The following FER variants were observed in gnomAD, a reference collection of about 807,000 sequenced individuals.
The protein encoded by FER is FER tyrosine kinase.
Under a neutral mutation model 111.0 loss-of-function variants are expected in FER, and 63 were observed. The ratio of observed to expected loss-of-function variants is 0.57; its 90% CI spans 0.46 to 0.70. The LOEUF is 0.70. Ranked by LOEUF, FER falls within the 30% of genes least tolerant of loss-of-function variation. The probability of loss-of-function intolerance (pLI) is 0.00; values close to 1 mark genes in which losing one functional copy is unlikely to be tolerated. For missense variants in FER, 914 were observed against 954.0 expected (o/e 0.96, Z 0.55); for synonymous variants, 327 against 313.9 (o/e 1.04, Z -0.44).
chr5:109,045,009 T>C (rs1037879659), intron 15 of FER, among the ~76,000 whole-genome samples: 1 of 152,108 alleles, frequency 6.6e-6, no homozygotes, highest in East Asian at 1.9e-4. Context: ...TTATTCAAGT[T>C]CTTAAAATGT....
chr5:108,820,599 A>G, intron 3 of FER: 20 of 937,968 alleles, frequency 2.1e-5, no homozygotes, highest in Non-Finnish European at 2.5e-5. Flanking sequence ...TAATACCAGT[A>G]GTAATATCCC....
intron 9 of FER, among the ~76,000 whole-genome samples, chr5:108,886,434 A>G (rs1280578196): frequency 6.7e-6 from 1 of 148,892 alleles, no homozygotes; most frequent in Non-Finnish European, 1.5e-5. Context: ...ATTATATATA[A>G]CATACATAAA....
Position 108,874,784 on chromosome 5 carries a change from A to T in FER, c.923+2572A>T, listed in dbSNP as rs191117497. 6.4e-3 allele frequency among the ~76,000 whole-genome samples: 971 copies of T among 152,252 alleles called. 3 individuals are homozygous for T. Among genetic ancestry groups the T allele is most frequent in the Non-Finnish European group, 9.6e-3 (652 of 67,964 alleles). On this transcript the variant is annotated intron_variant, in intron 8 of 19. Coordinates refer to ENST00000281092, the MANE Select transcript of FER (RefSeq NM_005246.4). ...GGAAAAAGAAATACAAATTACCAAT[A>T]GTACTTGGAAAAGATATTCTTCTTT...
chr5:108,897,742 T>C lies in FER; in HGVS notation c.1130T>C (p.Phe377Ser). The change falls in exon 10 of 20, where the codon TTT (phenylalanine) becomes TCT (serine). Residue 377 changes from phenylalanine to serine, a missense_variant. Physicochemically the swap from Phe to Ser is radical, Grantham distance 155. Around this residue, in one of 3 missense-constraint regions of FER, gnomAD observed 774 missense variants for 782.6 expected, o/e 0.99. Transcript: ENST00000281092. ...VQQLRCTEAK[F>S]SAQKELLEQK... Reference sequence around the variant, plus strand: ...CAGCTGAGATGCACTGAAGCAAAGTTTTCAGCACAGAAGGAATTACTAGAG... The same window carrying C: ...CAGCTGAGATGCACTGAAGCAAAGTCTTCAGCACAGAAGGAATTACTAGAG... The C allele has an allele frequency of 6.2e-7, 1 of 1,613,514 alleles. No homozygotes were observed.
At chr5:108,810,056 A>G (rs1480488363) in intron 3 of FER, among the ~76,000 whole-genome samples, 1 of 151,878 alleles carries the variant, frequency 6.6e-6, no homozygotes, top group African/African-American at 2.4e-5. Context: ...TGCAGGTAGG[A>G]ATTTTTCTTT....
chr5:109,093,401 G>A (rs1747072792), intron 16 of FER, among the ~76,000 whole-genome samples: 1 of 152,084 alleles, frequency 6.6e-6, no homozygotes. Flanking sequence ...GATAGAAGTA[G>A]TTTTATAATT....
chr5:109,103,538 G>C (rs921656564), intron 17 of FER, among the ~76,000 whole-genome samples: 1 of 152,128 alleles, frequency 6.6e-6, no homozygotes, highest in Non-Finnish European at 1.5e-5. Flanking sequence ...TTCCAGAAGA[G>C]TTCTCTTGCT....
intron 1 of FER, among the ~76,000 whole-genome samples, chr5:108,760,158 GTTTT>G (rs36078731): frequency 2.2e-4 from 31 of 141,124 alleles, no homozygotes; most frequent in African/African-American, 7.0e-4. Flanking sequence ...GCAGTCTTCT[GTTTT>G]TTTTTTTTTT....
intron 5 of FER, 150 bp from the exon 6 acceptor site, chr5:108,867,617 C>A: frequency 1.4e-6 from 1 of 738,994 alleles, no homozygotes; most frequent in Non-Finnish European, 2.2e-6. Flanking sequence ...TTGCATAAAG[C>A]TAAGCACATA....
intron 16 of FER, among the ~76,000 whole-genome samples, chr5:109,076,250 A>G (rs1776328678): frequency 6.6e-6 from 1 of 152,196 alleles, no homozygotes; most frequent in African/African-American, 2.4e-5. Flanking sequence ...ACAGTGACAG[A>G]AACTATTATG....
chr5:109,054,697 G>A (rs1251956490), intron 16 of FER, among the ~76,000 whole-genome samples: 1 of 152,042 alleles, frequency 6.6e-6, no homozygotes, highest in Non-Finnish European at 1.5e-5. Context: ...TGTTTCTTAA[G>A]TTTACTTTTA....
chr5:108,995,044 C>A (rs889935196), intron 13 of FER, among the ~76,000 whole-genome samples: 1 of 151,998 alleles, frequency 6.6e-6, no homozygotes, highest in South Asian at 2.1e-4. Flanking sequence ...TGTAGGATCT[C>A]GTCATCTGCA....
intron 9 of FER, among the ~76,000 whole-genome samples, chr5:108,891,813 C>A (rs1300744718): frequency 2.0e-5 from 3 of 152,092 alleles, no homozygotes; most frequent in Non-Finnish European, 4.4e-5. Flanking sequence ...TATCCCTCCC[C>A]CTTCCCCCAC....
chr5:108,765,753 TC>T (rs1752247910), intron 1 of FER, among the ~76,000 whole-genome samples: 1 of 152,208 alleles, frequency 6.6e-6, no homozygotes, highest in Non-Finnish European at 1.5e-5. Context: ...TAAACATTTT[TC>T]ATATTAATTG....
At chr5:108,913,480 A>G (rs1448729362) in intron 10 of FER, among the ~76,000 whole-genome samples, 2 of 152,228 alleles carry the variant, frequency 1.3e-5, no homozygotes, top group Non-Finnish European at 2.9e-5. Context: ...CATAGCTATC[A>G]TTTATAGATA....
chr5:109,139,812 CATTGGCTGAAGTAAGT>C (rs1285067990), intron 17 of FER, among the ~76,000 whole-genome samples: 1 of 152,048 alleles, frequency 6.6e-6, no homozygotes, highest in Non-Finnish European at 1.5e-5. Context: ...CTCAATTTTA[CATTGGCTGAAGTAAGT>C]ATTGGTTAGG....
At chr5:109,170,634 A>G (rs184278699) in intron 17 of FER, among the ~76,000 whole-genome samples, 3 of 152,304 alleles carry the variant, frequency 2.0e-5, no homozygotes, top group Admixed American at 1.3e-4. Flanking sequence ...GTGTCAATCA[A>G]TGGTTACCAA....
In FER at chr5:109,190,597, A is replaced by T. The variant is rs145283888; in HGVS notation, c.*3022A>T. On this transcript the variant is annotated 3_prime_UTR_variant, in exon 20 of 20. Transcript: ENST00000281092. ...TTGCATTCCATGTAATCTAAGGCCA[A>T]AGCCAACATATTCTTTCTCTTCTGG... 4 of 152,312 alleles carry T rather than the reference A, an allele frequency of 2.6e-5. No individual in the cohort carries two copies. In the South Asian group the frequency reaches 8.3e-4, roughly 32 times the overall value. The allele number at this position is 152,312 out of a possible 1,614,324, so 9.4% of individuals were successfully genotyped here.
intron 13 of FER, among the ~76,000 whole-genome samples, chr5:108,975,276 G>A (rs1303258790): frequency 1.3e-5 from 2 of 152,098 alleles, no homozygotes; most frequent in African/African-American, 4.8e-5. Flanking sequence ...GGAGAGGAGA[G>A]CATTAGGATA....
Sources: gnomAD v4.1 joint callset for allele counts (sites outside exome capture counted in the v4.1 genomes callset) on GRCh38, gnomAD v4.1.1 for gene constraint, gnomAD v4.1.1 regional missense constraint, MANE v1.5 for transcripts, NCBI Gene and HGNC (gene_info 2026-07-23, HGNC 2026-07-21) for gene names.